TTC6: variants seen among roughly 807,000 people sequenced by gnomAD.
The protein encoded by TTC6 is tetratricopeptide repeat domain 6, also known as tetratricopeptide repeat protein 6.
In TTC6, 172 loss-of-function variants were observed where a neutral mutation model predicts 210.4. The observed-to-expected ratio is 0.82, with a 90% CI of 0.72 to 0.93. The LOEUF is 0.93. Ranked by LOEUF, TTC6 falls within the 40% of genes least tolerant of loss-of-function variation. The pLI is 0.00. For synonymous variants in TTC6, 804 were observed against 819.6 expected, an observed-to-expected ratio of 0.98 and a Z score of 0.32; for missense variants, 2,414 against 2,318.1, an observed-to-expected ratio of 1.04 and a Z score of -0.85.
At chr14:37,620,909 C>A (rs534570634), upstream of TTC6, among the ~76,000 whole-genome samples, 25 of 152,326 alleles carry the variant, frequency 1.6e-4, no homozygotes, top group South Asian at 1.7e-3. Flanking sequence ...CAGGCTCCAG[C>A]TACCAGATTC....
chr14:37,731,209 T>A (rs1360871676), intron 7 of TTC6, among the ~76,000 whole-genome samples: 1 of 152,216 alleles, frequency 6.6e-6, no homozygotes, highest in African/African-American at 2.4e-5. Flanking sequence ...TAAAGACACC[T>A]TATTTAATAT....
At chr14:37,727,511 T>C (rs1233167731) in intron 7 of TTC6, among the ~76,000 whole-genome samples, 2 of 134,766 alleles carry the variant, frequency 1.5e-5, no homozygotes, top group Non-Finnish European at 1.6e-5. Flanking sequence ...GCTAGGATGG[T>C]CTTGATCTCC....
At chr14:37,768,877 G>T (rs2139161433) in intron 14 of TTC6, among the ~76,000 whole-genome samples, 1 of 151,038 alleles carries the variant, frequency 6.6e-6, no homozygotes. Context: ...CCTGTCTTGT[G>T]CCAGTTTTCA....
intron 14 of TTC6, among the ~76,000 whole-genome samples, chr14:37,784,078 G>T (rs1411258495): frequency 1.3e-5 from 2 of 152,188 alleles, no homozygotes; most frequent in South Asian, 2.1e-4. Context: ...GAATAAGTCC[G>T]ATGTGGTGCT....
intron 14 of TTC6, among the ~76,000 whole-genome samples, chr14:37,773,287 A>C (rs1217895560): frequency 6.6e-6 from 1 of 152,096 alleles, no homozygotes; most frequent in Non-Finnish European, 1.5e-5. Flanking sequence ...CCCATTTGTC[A>C]ACTTTGTTTT....
rs1436177085 is a variant in TTC6, at chr14:37,739,235, GTTA to G, written c.2363+86_2363+88del. On this transcript the variant is annotated intron_variant, in intron 10 of 30. Transcript: ENST00000553443. ...TAATTTTATAATCTCACCCCATGAA[GTTA>G]TTATTTTATTCTGCACTGAACATAT... 39 of 1,317,128 alleles carry G rather than the reference GTTA, an allele frequency of 3.0e-5. No homozygotes were observed. The East Asian group carries it at 6.6e-4, about 22-fold the overall frequency. The allele number at this position is 1,317,128 out of a possible 1,614,324, so 81.6% of individuals were successfully genotyped here.
At chr14:37,641,970 T>C (rs954504551) in intron 1 of TTC6, among the ~76,000 whole-genome samples, 1 of 152,174 alleles carries the variant, frequency 6.6e-6, no homozygotes, top group African/African-American at 2.4e-5. Flanking sequence ...CCAGAACTGT[T>C]TTTATTCGGA....
intron 1 of TTC6, among the ~76,000 whole-genome samples, chr14:37,661,661 T>A (rs1010174574): frequency 3.3e-5 from 5 of 152,252 alleles, no homozygotes; most frequent in Admixed American, 3.3e-4. Context: ...GGGCTCTTTT[T>A]TGGTTCCATA....
At chr14:37,740,024 C>A (rs372999578) in intron 10 of TTC6, among the ~76,000 whole-genome samples, 4 of 151,790 alleles carry the variant, frequency 2.6e-5, no homozygotes, top group African/African-American at 9.7e-5. Context: ...ATTACCCAGG[C>A]GTGATGGTGG....
At chr14:37,692,534 T>C (rs1007780282) in intron 3 of TTC6, among the ~76,000 whole-genome samples, 3 of 152,004 alleles carry the variant, frequency 2.0e-5, no homozygotes, top group Non-Finnish European at 4.4e-5. Context: ...AAACTGGGTA[T>C]AGAAGGAACA....
intron 2 of TTC6, 144 bp downstream of exon 2, chr14:37,606,886 T>A: frequency 3.8e-6 from 2 of 521,652 alleles, no homozygotes; most frequent in Non-Finnish European, 4.9e-6. Flanking sequence ...AAAGGCTGCC[T>A]ATGGGTCTAG....
At chr14:37,782,727 C>T (rs1443131684) in intron 14 of TTC6, among the ~76,000 whole-genome samples, 1 of 152,092 alleles carries the variant, frequency 6.6e-6, no homozygotes, top group Non-Finnish European at 1.5e-5. Context: ...GGAATGTTTC[C>T]AGTTTTTGCC....
At chr14:37,842,333 C>G in exon 31 of TTC6, 1 of 1,440,250 alleles carries the variant, frequency 6.9e-7, no homozygotes, top group Non-Finnish European at 9.2e-7. Flanking sequence ...CACAGCTGTT[C>G]TCTCTGAAAC....
intron 10 of TTC6, among the ~76,000 whole-genome samples, chr14:37,744,215 T>G (rs2095929300): frequency 6.6e-6 from 1 of 152,208 alleles, no homozygotes; most frequent in African/African-American, 2.4e-5. Context: ...TGAGCACTAC[T>G]CAGCAGTACT....
At chr14:37,841,659 A>T in exon 30 of TTC6, 1 of 1,600,688 alleles carries the variant, frequency 6.2e-7, no homozygotes. Context: ...GCTGAGGAAG[A>T]CCTTAATAAA....
At chr14:37,615,168 G>A (rs1386627301) in intron 2 of TTC6, among the ~76,000 whole-genome samples, 1 of 152,186 alleles carries the variant, frequency 6.6e-6, no homozygotes, top group African/African-American at 2.4e-5. Context: ...TGTCAATAAT[G>A]TGTTGTTTCT....
At chr14:37,728,735 G>C (rs1056477526) in intron 7 of TTC6, among the ~76,000 whole-genome samples, 1 of 151,982 alleles carries the variant, frequency 6.6e-6, no homozygotes, top group Non-Finnish European at 1.5e-5. Context: ...TAAAATTTCT[G>C]TTCTCTTTTG....
chr14:37,675,055 CT>C (rs555072156), intron 1 of TTC6, among the ~76,000 whole-genome samples: 34 of 148,128 alleles, frequency 2.3e-4, no homozygotes, highest in Admixed American at 3.4e-4. Context: ...CATCCAATTA[CT>C]TTTTTTTTTA....
chr14:37,830,784 A>G (rs1275699274), intron 29 of TTC6, among the ~76,000 whole-genome samples: 1 of 151,454 alleles, frequency 6.6e-6, no homozygotes, highest in East Asian at 1.9e-4. Flanking sequence ...AAATCATTTT[A>G]TTTCAAAATG....
Sources: allele counts gnomAD v4.1 joint callset (sites outside exome capture counted in the v4.1 genomes callset), GRCh38; gene constraint gnomAD v4.1.1; transcripts MANE v1.5; gene names NCBI Gene and HGNC (gene_info 2026-07-23, HGNC 2026-07-21).